Variants in MOBP observed in about 807,000 individuals in gnomAD.
The protein encoded by MOBP is myelin associated oligodendrocyte basic protein, also known as myelin-associated oligodendrocyte basic protein.
MOBP carries 5 observed loss-of-function variants against 15.0 expected under a neutral mutation model. The observed-to-expected ratio is 0.33, with a 90% CI of 0.17 to 0.70. The LOEUF (loss-of-function observed/expected upper bound fraction) is 0.70, where lower values mean the gene tolerates loss of function less well. MOBP is among the 30% of genes least tolerant of loss of function. MOBP has a pLI of 0.67. For synonymous variants in MOBP, 88 were observed against 99.0 expected (o/e 0.89, Z 0.66); for missense variants, 188 against 257.8 (o/e 0.73, Z 1.85).
At chr3:39,490,087 T>C (rs2042773559) in intron 2 of MOBP, among the ~76,000 whole-genome samples, 1 of 152,200 alleles carries the variant, frequency 6.6e-6, no homozygotes, top group African/African-American at 2.4e-5. Context: ...TCCCCACTTA[T>C]CTTCTCTTCT....
chr3:39,524,804 A>G (rs1485704933), exon 5 of MOBP: 3 of 152,190 alleles, frequency 2.0e-5, no homozygotes, highest in African/African-American at 7.2e-5. Flanking sequence ...AATTACCAAA[A>G]TGTCCACCAA....
chr3:39,490,159 T>C (rs1197087780), intron 2 of MOBP, among the ~76,000 whole-genome samples: 1 of 152,238 alleles, frequency 6.6e-6, no homozygotes, highest in Non-Finnish European at 1.5e-5. Context: ...TTTTTCTGTT[T>C]CATTACCACT....
At chr3:39,479,618 A>G (rs911071423) in intron 1 of MOBP, among the ~76,000 whole-genome samples, 1 of 152,170 alleles carries the variant, frequency 6.6e-6, no homozygotes, top group African/African-American at 2.4e-5. Flanking sequence ...GGAGGAGGAT[A>G]TTCCTTAGGC....
chr3:39,469,524 A>G (rs1217774140), intron 1 of MOBP, among the ~76,000 whole-genome samples: 1 of 152,118 alleles, frequency 6.6e-6, no homozygotes, highest in Non-Finnish European at 1.5e-5. Context: ...GAGCGAATTG[A>G]GAACCATGCA....
intron 4 of MOBP, among the ~76,000 whole-genome samples, chr3:39,512,970 G>A (rs2043138952): frequency 6.6e-6 from 1 of 152,202 alleles, no homozygotes; most frequent in Admixed American, 6.5e-5. Context: ...AAACATGTCA[G>A]TATGTTCACA....
chr3:39,523,159 T>C (rs1455935863), intron 3 of MOBP, among the ~76,000 whole-genome samples: 2 of 152,214 alleles, frequency 1.3e-5, no homozygotes, highest in African/African-American at 4.8e-5. Context: ...TAACAAAAAA[T>C]TGCTTTCACA....
At chr3:39,510,231 TAGTA>T (rs1196866254) in intron 4 of MOBP, among the ~76,000 whole-genome samples, 1 of 152,134 alleles carries the variant, frequency 6.6e-6, no homozygotes, top group Non-Finnish European at 1.5e-5. Flanking sequence ...TGTAGCTTAG[TAGTA>T]AGTATTGAAA....
chr3:39,507,363 A>G (rs1036300939), downstream of MOBP, among the ~76,000 whole-genome samples: 3 of 152,288 alleles, frequency 2.0e-5, no homozygotes, highest in African/African-American at 2.4e-5. Flanking sequence ...ATGCTGGCCA[A>G]TTTGACTTTC....
chr3:39,487,651 G>A lies in MOBP; in HGVS notation c.-5+7528G>A, dbSNP rs573009859. On this transcript the variant is annotated intron_variant, in intron 2 of 3. Coordinates refer to ENST00000684792, the MANE Select transcript of MOBP (RefSeq NM_001393704.1). ...CCATTCTTCTGCCTCAGCCTCCCGA[G>A]TAGCTGGAACTACAGGTGCCAGCCA... 2.5e-3 allele frequency among the ~76,000 whole-genome samples: 375 copies of A among 151,284 alleles called. 2 individuals carry two copies. The highest frequency in any genetic ancestry group is 8.7e-3 in the African/African-American group (358 of 41,304).
At chr3:39,489,376 T>C (rs1034907874) in intron 2 of MOBP, among the ~76,000 whole-genome samples, 3 of 152,206 alleles carry the variant, frequency 2.0e-5, no homozygotes, top group African/African-American at 7.2e-5. Context: ...TCTGTGAGCA[T>C]AGGGACCTTC....
At chr3:39,494,798 C>T (rs546254534) in intron 2 of MOBP, among the ~76,000 whole-genome samples, 3 of 128,696 alleles carry the variant, frequency 2.3e-5, no homozygotes, top group Admixed American at 1.6e-4. Flanking sequence ...CCCCGCCCCC[C>T]GAGTTACGTG....
chr3:39,498,326 G>GGTT (rs532686781), intron 2 of MOBP, among the ~76,000 whole-genome samples: 6 of 151,742 alleles, frequency 4.0e-5, no homozygotes, highest in African/African-American at 1.5e-4. Flanking sequence ...TAGGAGGGCA[G>GGTT]TTTTTTGTTG....
chr3:39,479,628 C>T (rs2042598430), intron 1 of MOBP, among the ~76,000 whole-genome samples: 2 of 151,986 alleles, frequency 1.3e-5, no homozygotes, highest in Non-Finnish European at 2.9e-5. Context: ...ATTCCTTAGG[C>T]TCCTTTCTTG....
At chr3:39,511,086 G>T (rs1156467702) in intron 4 of MOBP, among the ~76,000 whole-genome samples, 1 of 152,158 alleles carries the variant, frequency 6.6e-6, no homozygotes, top group Non-Finnish European at 1.5e-5. Context: ...AATCACAGAG[G>T]TCCTAAATAC....
intron 1 of MOBP, among the ~76,000 whole-genome samples, chr3:39,468,677 A>T (rs1359355925): frequency 2.7e-5 from 4 of 148,958 alleles, no homozygotes; most frequent in East Asian, 3.9e-4. Context: ...TGTATATATA[A>T]AAATATGTGT....
chr3:39,528,328 G>A (rs1369856368), downstream of MOBP: 1 of 152,106 alleles, frequency 6.6e-6, no homozygotes, highest in Non-Finnish European at 1.5e-5. Flanking sequence ...GGCTTCTAAA[G>A]CAATTTTCTG....
At chr3:39,483,111 C>T (rs2042651990) in intron 2 of MOBP, among the ~76,000 whole-genome samples, 1 of 152,162 alleles carries the variant, frequency 6.6e-6, no homozygotes, top group African/African-American at 2.4e-5. Flanking sequence ...TGTGTGTCCT[C>T]CTTGCTAGAA....
intron 2 of MOBP, chr3:39,499,835 G>T (rs1190230180): frequency 8.7e-6 from 3 of 346,504 alleles, no homozygotes; most frequent in Non-Finnish European, 1.7e-5. Context: ...AGGGCTCTCG[G>T]GGGTAATGCA....
At chr3:39,511,121 T>C (rs917885590) in intron 4 of MOBP, among the ~76,000 whole-genome samples, 10 of 152,218 alleles carry the variant, frequency 6.6e-5, no homozygotes, top group African/African-American at 2.4e-4. Context: ...TGGTGGTAAT[T>C]GTTCAAAATT....
Sources: gnomAD v4.1 joint callset for allele counts (sites outside exome capture counted in the v4.1 genomes callset) on GRCh38, gnomAD v4.1.1 for gene constraint, MANE v1.5 for transcripts, NCBI Gene and HGNC (gene_info 2026-07-23, HGNC 2026-07-21) for gene names.